EPS15: variants seen among roughly 807,000 people sequenced by gnomAD.
The protein encoded by EPS15 is epidermal growth factor receptor substrate 15.
A neutral mutation model predicts 113.8 loss-of-function variants in EPS15; 72 were observed. That is an observed-to-expected ratio of 0.63 (90% CI 0.52 to 0.77). EPS15 has a LOEUF of 0.77. Among genes scored for constraint, EPS15 ranks in the 30% least tolerant of loss-of-function variants. The probability of loss-of-function intolerance (pLI) is 0.00; values close to 1 mark genes in which losing one functional copy is unlikely to be tolerated. For synonymous variants in EPS15, 344 were observed against 363.4 expected (o/e 0.95, Z 0.61); for missense variants, 1,048 against 1,045.8 (o/e 1.00, Z -0.03).
intron 16 of EPS15, 78 bp from the exon 17 acceptor site, chr1:51,403,610 A>C: frequency 2.9e-6 from 2 of 687,904 alleles, no homozygotes; most frequent in Middle Eastern, 2.6e-4. Flanking sequence ...ATAACCAAAA[A>C]CTATTTAAAA....
At chr1:51,452,103 T>G (rs192966027) in intron 8 of EPS15, among the ~76,000 whole-genome samples, 5 of 151,510 alleles carry the variant, frequency 3.3e-5, no homozygotes, top group Non-Finnish European at 7.4e-5. Context: ...CTGGTTGGTC[T>G]CCAACTTCTG....
chr1:51,468,615 CT>C (rs1234494388), intron 4 of EPS15, 47 bp from the exon 5 acceptor site: 1 of 1,168,144 alleles, frequency 8.6e-7, no homozygotes, highest in East Asian at 2.3e-5. Flanking sequence ...CCTCTACCAA[CT>C]TACCTACCTG....
At chr1:51,410,793 G>C (rs1017221814) in intron 13 of EPS15, among the ~76,000 whole-genome samples, 1 of 152,320 alleles carries the variant, frequency 6.6e-6, no homozygotes, top group East Asian at 1.9e-4. Flanking sequence ...AAAGGTCTCT[G>C]AATTACTGCA....
intron 1 of EPS15, among the ~76,000 whole-genome samples, chr1:51,502,329 A>C (rs1644427665): frequency 2.6e-5 from 4 of 152,202 alleles, no homozygotes; most frequent in Admixed American, 2.0e-4. Flanking sequence ...AAATAAAAAT[A>C]AATAAATACT....
chr1:51,467,763 G>A (rs558792376), intron 5 of EPS15, among the ~76,000 whole-genome samples: 1 of 152,182 alleles, frequency 6.6e-6, no homozygotes, highest in East Asian at 1.9e-4. Context: ...CTGCGCATGT[G>A]AGGGATCTAG....
chr1:51,445,727 A>G (rs1264589771), intron 10 of EPS15, among the ~76,000 whole-genome samples: 1 of 152,176 alleles, frequency 6.6e-6, no homozygotes, highest in African/African-American at 2.4e-5. Context: ...AGACTACATA[A>G]GTAAAAAGAC....
At chr1:51,399,254 TAA>T (rs1648273114) in intron 19 of EPS15, 89 bp from the exon 20 acceptor site, 8 of 1,268,928 alleles carry the variant, frequency 6.3e-6, no homozygotes, top group Non-Finnish European at 8.9e-6. Flanking sequence ...GTGCCTTAAT[TAA>T]AAGACAGTCT....
intron 9 of EPS15, 62 bp downstream of exon 9, chr1:51,447,984 T>C: frequency 1.3e-6 from 2 of 1,590,894 alleles, no homozygotes; most frequent in Non-Finnish European, 1.7e-6. Flanking sequence ...TGGTAAGGAG[T>C]GGTAAGATTC....
At chr1:51,474,680 T>TTTA (rs1317120693) in intron 2 of EPS15, among the ~76,000 whole-genome samples, 82 of 151,752 alleles carry the variant, frequency 5.4e-4, no homozygotes, top group African/African-American at 1.5e-3. Flanking sequence ...GTTTTCTTTT[T>TTTA]TTATTATTAT....
chr1:51,476,593 T>C (rs868615424), intron 2 of EPS15, among the ~76,000 whole-genome samples: 16 of 152,302 alleles, frequency 1.1e-4, no homozygotes, highest in Middle Eastern at 6.8e-3. Flanking sequence ...TCTCTTTTCT[T>C]CTTTATTAGT....
At chr1:51,429,150 G>C (rs781168674) in intron 12 of EPS15, among the ~76,000 whole-genome samples, 1 of 152,066 alleles carries the variant, frequency 6.6e-6, no homozygotes. Context: ...GATTACAGGC[G>C]TGAGCCACCA....
intron 21 of EPS15, among the ~76,000 whole-genome samples, chr1:51,366,366 C>G (rs1183660078): frequency 5.9e-5 from 9 of 152,178 alleles, no homozygotes; most frequent in Non-Finnish European, 1.3e-4. Flanking sequence ...CCAAACCCAG[C>G]CAAGGCATCA....
intron 1 of EPS15, among the ~76,000 whole-genome samples, chr1:51,493,057 C>T (rs1007974400): frequency 6.6e-6 from 1 of 150,402 alleles, no homozygotes; most frequent in African/African-American, 2.5e-5. Context: ...GAAACCCCGT[C>T]TCTACTAAAA....
intron 1 of EPS15, among the ~76,000 whole-genome samples, chr1:51,483,400 T>A (rs1262070854): frequency 1.1e-4 from 10 of 88,608 alleles, no homozygotes; most frequent in African/African-American, 3.5e-4. Flanking sequence ...AGACTGCAAG[T>A]GTGTGTGTGT....
At chr1:51,497,182 C>A (rs947583140) in intron 1 of EPS15, among the ~76,000 whole-genome samples, 2 of 152,188 alleles carry the variant, frequency 1.3e-5, no homozygotes, top group Non-Finnish European at 2.9e-5. Flanking sequence ...CTGAAGTAAT[C>A]ATTTGATGAA....
intron 9 of EPS15, 39 bp downstream of exon 9, chr1:51,448,007 T>A: frequency 6.2e-7 from 1 of 1,604,482 alleles, no homozygotes; most frequent in Admixed American, 1.7e-5. Flanking sequence ...TGGCTGATGC[T>A]GAAGAGGGGA....
intron 21 of EPS15, among the ~76,000 whole-genome samples, chr1:51,385,623 T>G (rs900231756): frequency 6.6e-6 from 1 of 152,204 alleles, no homozygotes; most frequent in African/African-American, 2.4e-5. Flanking sequence ...AGTAGCATTA[T>G]GCACACAAAC....
At chr1:51,375,109 C>T (rs1646766318) in intron 21 of EPS15, among the ~76,000 whole-genome samples, 1 of 143,970 alleles carries the variant, frequency 6.9e-6, no homozygotes. Flanking sequence ...TCACGCCATT[C>T]TCCTGCCTCA....
chr1:51,500,981 T>C (rs1012101928), intron 1 of EPS15, among the ~76,000 whole-genome samples: 8 of 147,600 alleles, frequency 5.4e-5, no homozygotes, highest in Non-Finnish European at 1.0e-4. Flanking sequence ...TAAAACTCCA[T>C]CTCAAAAAAA....
Sources: allele counts gnomAD v4.1 joint callset (sites outside exome capture counted in the v4.1 genomes callset), GRCh38; gene constraint gnomAD v4.1.1; transcripts MANE v1.5; gene names NCBI Gene and HGNC (gene_info 2026-07-23, HGNC 2026-07-21).